ATF2: variants seen among roughly 807,000 people sequenced by gnomAD.
ATF2 encodes the protein cyclic AMP-dependent transcription factor ATF-2.
ATF2 carries 24 observed loss-of-function variants against 60.6 expected under a neutral mutation model. The ratio of observed to expected loss-of-function variants is 0.40; its 90% CI spans 0.29 to 0.56. The LOEUF (loss-of-function observed/expected upper bound fraction) is 0.56, where lower values mean the gene tolerates loss of function less well. Among genes scored for constraint, ATF2 ranks in the 20% least tolerant of loss-of-function variants. The pLI is 0.54. For missense variants in ATF2, 433 were observed against 607.7 expected, an observed-to-expected ratio of 0.71 and a Z score of 3.02; for synonymous variants, 206 against 215.4, an observed-to-expected ratio of 0.96 and a Z score of 0.38.
chr2:175,157,608 A>G (rs1276702582), intron 1 of ATF2, among the ~76,000 whole-genome samples: 1 of 152,126 alleles, frequency 6.6e-6, no homozygotes, highest in Non-Finnish European at 1.5e-5. Context: ...CCACAAACAT[A>G]AAAAAATAAA....
In ATF2 at chr2:175,106,432, G is replaced by A. The variant is rs13388458; in HGVS notation, c.828+5136C>T. On this transcript the variant is annotated intron_variant, in intron 10 of 13. Transcript: ENST00000264110. ...ATCCCAGCTACTAGGAGGCTGAGGC[G>A]GGAAAATCGCTTGAACCTGGGAAGG... Among the ~76,000 whole-genome samples the A allele has an allele frequency of 1.8e-3, 276 of 151,552 alleles. 2 individuals carry two copies. The highest frequency in any genetic ancestry group is 5.7e-3 in the African/African-American group (237 of 41,270).
chr2:175,137,527 C>A (rs769675031), intron 2 of ATF2, among the ~76,000 whole-genome samples: 1 of 152,058 alleles, frequency 6.6e-6, no homozygotes, highest in Non-Finnish European at 1.5e-5. Context: ...TACACAGACA[C>A]AAAGATGAAG....
chr2:175,130,074 T>C (rs569899805), intron 4 of ATF2, 64 bp downstream of exon 4: 27 of 1,173,648 alleles, frequency 2.3e-5, no homozygotes, highest in Non-Finnish European at 3.1e-5. Flanking sequence ...TGATAACATA[T>C]TATATCATCA....
intron 2 of ATF2, among the ~76,000 whole-genome samples, chr2:175,149,511 G>A (rs1699168737): frequency 6.6e-6 from 1 of 152,092 alleles, no homozygotes; most frequent in Non-Finnish European, 1.5e-5. Flanking sequence ...CTATGCATAA[G>A]AAAACTGGCA....
Position 175,093,176 on chromosome 2 carries a change from T to G in ATF2, c.1070A>C (p.Lys357Thr). The G allele has an allele frequency of 6.2e-7, 1 of 1,614,180 alleles. No individual in the cohort carries two copies. The highest frequency in any genetic ancestry group is 8.5e-7 in the Non-Finnish European group (1 of 1,180,022). ...TGCTGCTCTATTTCGCTCTAAAAAC[T>G]TTCTCCTTTTTTCATCAGGATCTTC... ...ANEDPDEKRR[K>T]FLERNRAAAS... The change falls in exon 12 of 14, where the codon AAG (lysine) becomes ACG (threonine). Residue 357 changes from lysine (K) to threonine (T), a missense_variant. This residue lies in a region of ATF2 where 24 missense variants were observed against 75.4 expected (regional missense o/e 0.32). Transcript: ENST00000264110.
At position 175,130,212 on chromosome 2, in the gene ATF2, A is replaced by G; in HGVS notation, c.33-5T>C. On this transcript the variant is annotated splice_polypyrimidine_tract_variant and splice_region_variant and intron_variant, in intron 3 of 13. Coordinates refer to ENST00000264110, the MANE Select transcript of ATF2 (RefSeq NM_001880.4). ...TTCCACAGGTCCTTGTATTGCCTAT[A>G]ATCAAACAGAAGACACTTTAGAGTA... 6.5e-7 allele frequency: 1 copy of G among 1,545,962 alleles called. No homozygotes were observed. Among genetic ancestry groups the G allele is most frequent in the South Asian group, 1.3e-5 (1 of 76,758 alleles).
intron 2 of ATF2, among the ~76,000 whole-genome samples, chr2:175,141,101 A>ACACAC: frequency 6.8e-6 from 1 of 147,270 alleles, no homozygotes; most frequent in African/African-American, 2.5e-5. Context: ...ACACACACAC[A>ACACAC]AATATCCTTA....
intron 10 of ATF2, among the ~76,000 whole-genome samples, chr2:175,109,002 C>CT (rs1695972689): frequency 6.6e-6 from 1 of 151,926 alleles, no homozygotes; most frequent in Non-Finnish European, 1.5e-5. Context: ...TCACCACTCC[C>CT]TAATCTCAAG....
chr2:175,088,495 G>A (rs1040427237), intron 12 of ATF2, among the ~76,000 whole-genome samples: 3 of 152,016 alleles, frequency 2.0e-5, no homozygotes, highest in Non-Finnish European at 2.9e-5. Flanking sequence ...CTATAAAAGT[G>A]TGCTTTCATT....
chr2:175,110,064 T>C (rs1966430), intron 10 of ATF2, among the ~76,000 whole-genome samples: 39,667 of 152,020 alleles, frequency 0.26, 6,163 homozygotes, highest in African/African-American at 0.44. Flanking sequence ...AGGCCGGGTG[T>C]GGTGGCTCAC....
intron 12 of ATF2, among the ~76,000 whole-genome samples, chr2:175,092,191 A>G (rs761271210): frequency 6.6e-5 from 10 of 152,192 alleles, no homozygotes; most frequent in Non-Finnish European, 1.3e-4. Context: ...TATTGGTGAT[A>G]TCTTAAAGAC....
intron 13 of ATF2, chr2:175,075,047 G>T: frequency 7.0e-7 from 1 of 1,423,406 alleles, no homozygotes; most frequent in South Asian, 1.4e-5. Context: ...GAAACATCTG[G>T]GTGCCCACTG....
At position 175,114,708 on chromosome 2, in the gene ATF2, G is replaced by A; in HGVS notation, c.608C>T (p.Ser203Phe). Residue 203 changes from serine (S) to phenylalanine (F), a missense_variant, in exon 8 of 14, where the codon TCC becomes TTC. By Grantham distance (155) the Ser-to-Phe change is radical. Around this residue, in one of 5 missense-constraint regions of ATF2, gnomAD observed 246 missense variants for 309.3 expected, o/e 0.80. Coordinates refer to ENST00000264110, the MANE Select transcript of ATF2 (RefSeq NM_001880.4). ...CACTTACACAATTGGCCTGTTAGAGGATGGTGCCTGGGTGATTACAGTACT... is the reference window on the plus strand; with the variant it reads ...CACTTACACAATTGGCCTGTTAGAGAATGGTGCCTGGGTGATTACAGTACT... ...TSSTVITQAP[S>F]SNRPIVPVPG... The A allele has an allele frequency of 6.2e-7, 1 of 1,613,680 alleles. No homozygotes were observed. Among genetic ancestry groups the A allele is most frequent in the African/African-American group, 1.3e-5 (1 of 75,020 alleles).
rs113640717 is a variant in ATF2 at position 175,153,217 on chromosome 2, T to C, written c.-142-2059A>G. On this transcript the variant is annotated intron_variant, in intron 1 of 13. Coordinates refer to ENST00000264110, the MANE Select transcript of ATF2 (RefSeq NM_001880.4). The stretch of plus-strand genomic sequence containing the variant: ...AACAACATTAAAAATAACATCCTTT[T>C]TTTGTAACTTGAAAGGCACAGATGT... Among the ~76,000 whole-genome samples, 292 of 152,322 alleles carry C rather than the reference T, an allele frequency of 1.9e-3. 1 individual carries two copies. The highest frequency in any genetic ancestry group is 6.8e-3 in the African/African-American group (283 of 41,580).
chr2:175,118,800 G>C (rs1025316982), intron 5 of ATF2, among the ~76,000 whole-genome samples: 1 of 151,480 alleles, frequency 6.6e-6, no homozygotes, highest in African/African-American at 2.4e-5. Context: ...TCCACTAGCT[G>C]TTCATACTCT....
intron 4 of ATF2, 144 bp downstream of exon 4, chr2:175,129,994 A>C: frequency 1.7e-6 from 1 of 603,184 alleles, no homozygotes; most frequent in East Asian, 3.5e-5. Context: ...ATTTCTTGCC[A>C]AAAGTTTCCT....
intron 10 of ATF2, among the ~76,000 whole-genome samples, chr2:175,110,430 T>C (rs182602191): frequency 8.5e-5 from 13 of 152,232 alleles, no homozygotes; most frequent in East Asian, 1.9e-4. Context: ...CTGAAGCAAA[T>C]AGAAGGTGTC....
At chr2:175,082,019 C>G (rs1230734048) in intron 12 of ATF2, among the ~76,000 whole-genome samples, 1 of 152,168 alleles carries the variant, frequency 6.6e-6, no homozygotes, top group Non-Finnish European at 1.5e-5. Context: ...GATTGTGCCA[C>G]TGTACTCCAG....
At chr2:175,114,585 T>C (rs901899785) in intron 8 of ATF2, 105 bp downstream of exon 8, 27 of 1,505,694 alleles carry the variant, frequency 1.8e-5, no homozygotes, top group Admixed American at 1.0e-4. Flanking sequence ...TGCACACACA[T>C]ACAAAACTAA....
Sources: allele counts gnomAD v4.1 joint callset (sites outside exome capture counted in the v4.1 genomes callset), GRCh38; gene constraint gnomAD v4.1.1; regional missense constraint gnomAD v4.1.1; transcripts MANE v1.5; gene names NCBI Gene and HGNC (gene_info 2026-07-23, HGNC 2026-07-21).